The following SYN3 variants were observed in gnomAD, a reference collection of about 807,000 sequenced individuals.
The protein encoded by SYN3 is synapsin III.
In SYN3, 35 loss-of-function variants were observed where a neutral mutation model predicts 65.8. That is an observed-to-expected ratio of 0.53 (90% confidence interval 0.41 to 0.70). SYN3 has a LOEUF of 0.70. Among genes scored for constraint, SYN3 ranks in the 30% least tolerant of loss-of-function variants. The pLI, the probability that SYN3 is intolerant of heterozygous loss-of-function variation, is 0.00. For missense variants in SYN3, 680 were observed against 749.0 expected (o/e 0.91, Z 1.08); for synonymous variants, 270 against 292.9 (o/e 0.92, Z 0.80).
intron 6 of SYN3, among the ~76,000 whole-genome samples, chr22:32,820,170 T>G (rs2047196405): frequency 6.6e-6 from 1 of 152,122 alleles, no homozygotes; most frequent in Non-Finnish European, 1.5e-5. Flanking sequence ...GGCTGGCTCC[T>G]GTGCCCAAGC....
chr22:32,843,045 G>C (rs1211127926), intron 6 of SYN3, among the ~76,000 whole-genome samples: 1 of 152,060 alleles, frequency 6.6e-6, no homozygotes, highest in Non-Finnish European at 1.5e-5. Context: ...CCCATGTAAA[G>C]GTTTTTAGGT....
At chr22:32,640,717 A>C (rs1015151794) in intron 6 of SYN3, among the ~76,000 whole-genome samples, 7 of 152,096 alleles carry the variant, frequency 4.6e-5, no homozygotes, top group Admixed American at 4.6e-4. Context: ...ATACAAAAAA[A>C]TTAGCCGGGC....
At chr22:32,659,986 A>G (rs1479019394) in intron 6 of SYN3, among the ~76,000 whole-genome samples, 2 of 152,170 alleles carry the variant, frequency 1.3e-5, no homozygotes, top group Non-Finnish European at 2.9e-5. Flanking sequence ...ATTTTATTCA[A>G]TGGTTCAATG....
chr22:32,635,190 T>C (rs8137407), intron 6 of SYN3: 29,075 of 152,166 alleles, frequency 0.19, 6,210 homozygotes, highest in African/African-American at 0.53. Context: ...GGGTGGTATG[T>C]CTGTAGGCTA....
chr22:32,582,952 C>T (rs980959340), intron 7 of SYN3, among the ~76,000 whole-genome samples: 7 of 152,272 alleles, frequency 4.6e-5, no homozygotes, highest in East Asian at 3.9e-4. Context: ...AGTGTCATGA[C>T]GTGAACAAGG....
At chr22:32,870,255 C>T (rs2048813377) in intron 4 of SYN3, among the ~76,000 whole-genome samples, 1 of 152,154 alleles carries the variant, frequency 6.6e-6, no homozygotes, top group Admixed American at 6.5e-5. Flanking sequence ...TTTGTATATA[C>T]ATTTTTGATC....
intron 4 of SYN3, among the ~76,000 whole-genome samples, chr22:32,924,409 A>G (rs527743599): frequency 1.0e-3 from 152 of 152,324 alleles, no homozygotes; most frequent in African/African-American, 3.4e-3. Flanking sequence ...CAACAGCCAT[A>G]TGGGTCCCTG....
chr22:32,794,426 A>G (rs1429525811), intron 6 of SYN3, among the ~76,000 whole-genome samples: 3 of 152,182 alleles, frequency 2.0e-5, no homozygotes, highest in African/African-American at 7.2e-5. Flanking sequence ...TGATCAACTG[A>G]GGGAGCCTCA....
chr22:32,606,790 A>C (rs977819767), intron 6 of SYN3, among the ~76,000 whole-genome samples: 1 of 148,960 alleles, frequency 6.7e-6, no homozygotes, highest in Non-Finnish European at 1.5e-5. Context: ...TCATTCAGCC[A>C]ACTCTTTATT....
chr22:32,986,888 A>G (rs780538507), intron 2 of SYN3, among the ~76,000 whole-genome samples: 10 of 152,236 alleles, frequency 6.6e-5, no homozygotes, highest in Non-Finnish European at 1.3e-4. Flanking sequence ...CTGAGGCCCC[A>G]GGAAGAAGAA....
chr22:32,684,706 G>T (rs1358483651), intron 6 of SYN3, among the ~76,000 whole-genome samples: 2 of 152,136 alleles, frequency 1.3e-5, no homozygotes, highest in African/African-American at 4.8e-5. Context: ...TACATTCATG[G>T]CTTTTTAACT....
intron 6 of SYN3, chr22:32,629,469 G>A (rs908272670): frequency 1.3e-5 from 2 of 152,206 alleles, no homozygotes; most frequent in Admixed American, 6.5e-5. Context: ...TGATGAAAGA[G>A]GCTTGCAAGA....
At chr22:32,517,312 G>A (rs955092340) in intron 13 of SYN3, among the ~76,000 whole-genome samples, 3 of 152,196 alleles carry the variant, frequency 2.0e-5, no homozygotes, top group East Asian at 1.9e-4. Context: ...GTTCTACCAT[G>A]TAAGAAAGCT....
chr22:32,678,636 TTTCTCC>T (rs1184464370), intron 6 of SYN3, among the ~76,000 whole-genome samples: 1 of 151,172 alleles, frequency 6.6e-6, no homozygotes, highest in Admixed American at 6.6e-5. Context: ...TCTTCCTCTT[TTTCTCC>T]TTCTCCTTCT....
intron 4 of SYN3, among the ~76,000 whole-genome samples, chr22:32,900,795 C>A (rs1235085408): frequency 6.6e-6 from 1 of 152,202 alleles, no homozygotes; most frequent in Non-Finnish European, 1.5e-5. Context: ...AGGAAATTGA[C>A]ATTTATTTAG....
intron 6 of SYN3, among the ~76,000 whole-genome samples, chr22:32,601,444 ATATTTTG>A (rs2059281996): frequency 6.6e-6 from 1 of 152,016 alleles, no homozygotes; most frequent in African/African-American, 2.4e-5. Flanking sequence ...CGCCCGGCTA[ATATTTTG>A]TATTTTTAGT....
chr22:32,909,015 A>G (rs770115494), intron 4 of SYN3, among the ~76,000 whole-genome samples: 2 of 152,218 alleles, frequency 1.3e-5, no homozygotes, highest in Admixed American at 6.5e-5. Flanking sequence ...GATAGGCCTC[A>G]CCACAATATG....
At chr22:32,978,261 A>G (rs1601828296) in intron 3 of SYN3, among the ~76,000 whole-genome samples, 1 of 152,184 alleles carries the variant, frequency 6.6e-6, no homozygotes, top group East Asian at 1.9e-4. Flanking sequence ...AGGAAATATC[A>G]GATGCGGAGT....
In SYN3 at chr22:32,995,007, C is replaced by T. The variant is rs561374276; in HGVS notation, c.311+11345G>A. 2.4e-3 allele frequency among the ~76,000 whole-genome samples: 362 copies of T among 152,186 alleles called. 1 individual carries two copies. Among genetic ancestry groups the T allele is most frequent in the Middle Eastern group, 0.017 (5 of 292 alleles). On this transcript the variant is annotated intron_variant, in intron 2 of 13. Transcript: ENST00000358763. ...CCTTCCTGCTGAGGAATGTGAGGTT[C>T]GGAGGTTGGATTTGCCCAAGGTCAC...
Sources: allele counts gnomAD v4.1 joint callset (sites outside exome capture counted in the v4.1 genomes callset), GRCh38; gene constraint gnomAD v4.1.1; transcripts MANE v1.5; gene names NCBI Gene and HGNC (gene_info 2026-07-23, HGNC 2026-07-21).